The following SEMA3A variants were observed in gnomAD, a reference collection of about 807,000 sequenced individuals.
SEMA3A encodes the protein semaphorin 3A.
Under a neutral mutation model 97.9 loss-of-function variants are expected in SEMA3A, and 29 were observed. The ratio of observed to expected loss-of-function variants is 0.30; its 90% confidence interval spans 0.22 to 0.40. The LOEUF is 0.40. Among genes scored for constraint, SEMA3A ranks in the 10% least tolerant of loss-of-function variants. The pLI is 1.00. For synonymous variants in SEMA3A, 321 were observed against 323.7 expected (o/e 0.99, Z 0.09); for missense variants, 763 against 951.3 (o/e 0.80, Z 2.60).
In SEMA3A at chr7:84,042,646, C is replaced by T. The variant is rs1032433336; in HGVS notation, c.667+3678G>A. Among the ~76,000 whole-genome samples, 65 of 152,006 alleles carry T rather than the reference C, an allele frequency of 4.3e-4. 2 individuals carry two copies. Among genetic ancestry groups the T allele is most frequent in the Non-Finnish European group, 7.4e-5 (5 of 67,978 alleles). ...ATATGTGGTCGTTTTTCCACAACAACTATAGGAGATAGGTAGTACCTCTGT... is the reference window on the plus strand; with the variant it reads ...ATATGTGGTCGTTTTTCCACAACAATTATAGGAGATAGGTAGTACCTCTGT... On this transcript the variant is annotated intron_variant, in intron 6 of 16. Transcript: ENST00000265362.
chr7:84,075,320 C>A (rs1246433529), intron 4 of SEMA3A, among the ~76,000 whole-genome samples: 1 of 146,832 alleles, frequency 6.8e-6, no homozygotes, highest in African/African-American at 2.5e-5. Context: ...ATTACAGGCA[C>A]CTGCCACCAT....
At chr7:83,985,841 G>A (rs1311989261) in intron 12 of SEMA3A, among the ~76,000 whole-genome samples, 1 of 152,174 alleles carries the variant, frequency 6.6e-6, no homozygotes, top group Non-Finnish European at 1.5e-5. Context: ...AAGAAGTAGA[G>A]CTTTGTTCTA....
chr7:84,043,028 G>A (rs556314454), intron 6 of SEMA3A, among the ~76,000 whole-genome samples: 1 of 151,840 alleles, frequency 6.6e-6, no homozygotes, highest in African/African-American at 2.4e-5. Flanking sequence ...ATAATACTGA[G>A]AGAATTTATG....
At chr7:84,324,021 A>G (rs1444707052) in intron 2 of SEMA3A, among the ~76,000 whole-genome samples, 1 of 152,212 alleles carries the variant, frequency 6.6e-6, no homozygotes, top group Non-Finnish European at 1.5e-5. Flanking sequence ...ATTATGTATT[A>G]CCTTTCCTAG....
At chr7:84,110,623 C>T (rs913100987) in intron 3 of SEMA3A, 34 bp from the exon 4 acceptor site, 18 of 1,611,974 alleles carry the variant, frequency 1.1e-5, no homozygotes, top group Non-Finnish European at 1.4e-5. Context: ...AGAGTTTCAG[C>T]AATCAGCATG....
At chr7:83,962,344 C>T (rs75624148) in intron 16 of SEMA3A, among the ~76,000 whole-genome samples, 4,933 of 151,772 alleles carry the variant, frequency 0.033, 267 homozygotes, top group African/African-American at 0.11. Context: ...TATATGAGAC[C>T]ATATTTTTGA....
At chr7:84,232,497 C>G (rs924973050) in intron 3 of SEMA3A, among the ~76,000 whole-genome samples, 1 of 150,678 alleles carries the variant, frequency 6.6e-6, no homozygotes, top group Admixed American at 6.6e-5. Context: ...AAGATTTAAA[C>G]AACAAAACTA....
At chr7:84,463,381 T>G (rs1805909737) in intron 1 of SEMA3A, among the ~76,000 whole-genome samples, 1 of 151,340 alleles carries the variant, frequency 6.6e-6, no homozygotes, top group South Asian at 2.1e-4. Flanking sequence ...CCCGAGTAGC[T>G]GGGACTACAG....
At chr7:84,211,436 C>A (rs1245869490) in intron 3 of SEMA3A, among the ~76,000 whole-genome samples, 2 of 151,066 alleles carry the variant, frequency 1.3e-5, no homozygotes, top group Non-Finnish European at 2.9e-5. Context: ...CATGGTGAAA[C>A]CCTGTCTCTA....
At position 84,307,960 on chromosome 7, in the gene SEMA3A, G is replaced by T. The variant is rs111828965; in HGVS notation, c.-168-668C>A. On this transcript the variant is annotated intron_variant, in intron 2 of 3. Coordinates refer to the SEMA3A transcript ENST00000424555. ...TAAATAACTTAGAAAAGAAAATAAA[G>T]ACAATTCAAAGCTGGGCCGAGGATT... Among the ~76,000 whole-genome samples the T allele has an allele frequency of 3.3e-5, 5 of 151,632 alleles. 1 individual carries two copies. Among genetic ancestry groups the T allele is most frequent in the African/African-American group, 1.2e-4 (5 of 41,324 alleles).
intron 12 of SEMA3A, 40 bp downstream of exon 12, chr7:84,001,915 C>T (rs754244160): frequency 3.7e-5 from 52 of 1,394,950 alleles, no homozygotes; most frequent in Non-Finnish European, 4.8e-5. Flanking sequence ...GAAAGACGTA[C>T]AACTGAACTT....
At chr7:84,404,325 G>A (rs144438021) in intron 1 of SEMA3A, among the ~76,000 whole-genome samples, 102 of 152,224 alleles carry the variant, frequency 6.7e-4, no homozygotes, top group Non-Finnish European at 1.2e-3. Flanking sequence ...GAAATGAAGC[G>A]TGAAGAGAAG....
At chr7:84,331,851 T>C (rs1357365638) in intron 2 of SEMA3A, among the ~76,000 whole-genome samples, 2 of 152,050 alleles carry the variant, frequency 1.3e-5, no homozygotes, top group East Asian at 1.9e-4. Flanking sequence ...GGCAGGAAAG[T>C]CCAATCTGCT....
At chr7:84,065,879 C>T (rs186989324) in intron 4 of SEMA3A, among the ~76,000 whole-genome samples, 7,001 of 151,456 alleles carry the variant, frequency 0.046, 269 homozygotes, top group East Asian at 0.19. Flanking sequence ...GAAACTATTC[C>T]AATCAATAGA....
intron 14 of SEMA3A, among the ~76,000 whole-genome samples, chr7:83,979,995 C>A (rs1789327178): frequency 6.6e-6 from 1 of 151,856 alleles, no homozygotes; most frequent in Admixed American, 6.6e-5. Context: ...ATAAAGAAAT[C>A]AAATTATATT....
intron 3 of SEMA3A, among the ~76,000 whole-genome samples, chr7:84,256,895 A>T (rs1341869068): frequency 6.6e-6 from 1 of 152,056 alleles, no homozygotes; most frequent in Non-Finnish European, 1.5e-5. Flanking sequence ...TTTTCTCTTC[A>T]CTGGTGAAGC....
In SEMA3A at chr7:83,958,737, T is replaced by A. The variant is rs1255028554; in HGVS notation, c.*2634A>T. 1 of 152,522 alleles carries A rather than the reference T, an allele frequency of 6.6e-6. No homozygotes were observed. The highest frequency in any genetic ancestry group is 2.4e-5 in the African/African-American group (1 of 41,442). The allele number at this position is 152,522 out of a possible 1,614,324, so 9.4% of individuals were successfully genotyped here. ...ACACATACCACTGCAAATTACTAAA[T>A]AATACATAAAATGAAGTGTGCATTT... On this transcript the variant is annotated 3_prime_UTR_variant, in exon 17 of 17. Coordinates refer to ENST00000265362, the MANE Select transcript of SEMA3A (RefSeq NM_006080.3).
chr7:84,276,318 T>G (rs1265768061), intron 3 of SEMA3A, among the ~76,000 whole-genome samples: 14 of 152,074 alleles, frequency 9.2e-5, no homozygotes, highest in Admixed American at 8.5e-4. Flanking sequence ...TTTTAACCCT[T>G]ATGTCTCTTT....
chr7:84,224,591 A>C (rs969121299), intron 3 of SEMA3A, among the ~76,000 whole-genome samples: 1 of 152,054 alleles, frequency 6.6e-6, no homozygotes, highest in Non-Finnish European at 1.5e-5. Flanking sequence ...ACTATACACA[A>C]TCCATTAAAC....
Sources: gnomAD v4.1 joint callset for allele counts (sites outside exome capture counted in the v4.1 genomes callset) on GRCh38, gnomAD v4.1.1 for gene constraint, MANE v1.5 for transcripts, NCBI Gene and HGNC (gene_info 2026-07-23, HGNC 2026-07-21) for gene names.